Variants in ZNF385D observed in about 807,000 individuals in gnomAD.
ZNF385D encodes zinc finger protein 385D, also known as zinc finger protein 659.
Under a neutral mutation model 35.8 loss-of-function variants are expected in ZNF385D, and 15 were observed. The ratio of observed to expected loss-of-function variants is 0.42; its 90% CI spans 0.28 to 0.64. The LOEUF is 0.64. ZNF385D is among the 30% of genes least tolerant of loss of function. The pLI is 0.23. For synonymous variants in ZNF385D, 212 were observed against 186.8 expected, an observed-to-expected ratio of 1.13 and a Z score of -1.10; for missense variants, 474 against 494.6, an observed-to-expected ratio of 0.96 and a Z score of 0.39.
intron 3 of ZNF385D, among the ~76,000 whole-genome samples, chr3:22,027,258 G>C (rs990622668): frequency 6.6e-6 from 1 of 152,146 alleles, no homozygotes; most frequent in Admixed American, 6.5e-5. Flanking sequence ...CCTCATTTGG[G>C]TGTGCTACTC....
At chr3:21,731,978 T>C (rs1380152428) in intron 1 of ZNF385D, among the ~76,000 whole-genome samples, 2 of 150,554 alleles carry the variant, frequency 1.3e-5, no homozygotes, top group African/African-American at 4.9e-5. Context: ...TGCTTCCAAG[T>C]TTTGGCACTT....
chr3:22,199,807 G>A (rs1696661797), intron 2 of ZNF385D, among the ~76,000 whole-genome samples: 1 of 152,012 alleles, frequency 6.6e-6, no homozygotes, highest in African/African-American at 2.4e-5. Flanking sequence ...CAAAATATAT[G>A]CATATATGTG....
At chr3:21,733,537 T>A (rs1178079163) in intron 1 of ZNF385D, among the ~76,000 whole-genome samples, 1 of 152,200 alleles carries the variant, frequency 6.6e-6, no homozygotes, top group Non-Finnish European at 1.5e-5. Context: ...TTTTCTAACT[T>A]TGTCTCTTTT....
intron 2 of ZNF385D, among the ~76,000 whole-genome samples, chr3:21,628,440 T>C (rs763517514): frequency 4.6e-5 from 7 of 152,118 alleles, no homozygotes; most frequent in Non-Finnish European, 1.0e-4. Context: ...AAGTCATTTT[T>C]ATTCATTTCC....
intron 3 of ZNF385D, among the ~76,000 whole-genome samples, chr3:21,758,967 A>G (rs904620288): frequency 2.6e-5 from 3 of 117,036 alleles, no homozygotes; most frequent in African/African-American, 6.7e-5. Flanking sequence ...AACCATCATC[A>G]TCACTGGCAA....
At chr3:21,907,044 C>T (rs1490149133) in intron 3 of ZNF385D, among the ~76,000 whole-genome samples, 1 of 152,126 alleles carries the variant, frequency 6.6e-6, no homozygotes, top group Non-Finnish European at 1.5e-5. Context: ...CTTTCTAGTG[C>T]TGGTAATTCA....
intron 3 of ZNF385D, among the ~76,000 whole-genome samples, chr3:21,764,985 T>G (rs532878197): frequency 5.3e-5 from 8 of 152,276 alleles, no homozygotes; most frequent in Admixed American, 5.2e-4. Context: ...TTGAGACGTA[T>G]CCTTAGACTG....
In ZNF385D at chr3:21,721,168, T is replaced by C. The variant is rs867529763; in HGVS notation, c.22+29727A>G. Among the ~76,000 whole-genome samples the C allele has an allele frequency of 5.3e-5, 8 of 152,152 alleles. No individual in the cohort carries two copies. In the South Asian group the frequency reaches 1.2e-3, roughly 24 times the overall value. ...AATGACTTTGCCCCCTCCATTGCTA[T>C]ACTGGTTGTCTATGAGTCCCCTAAA... is the stretch of plus-strand genomic sequence containing the variant. On this transcript the variant is annotated intron_variant, in intron 1 of 7. Coordinates refer to ENST00000281523, the MANE Select transcript of ZNF385D (RefSeq NM_024697.3).
intron 2 of ZNF385D, among the ~76,000 whole-genome samples, chr3:22,251,222 T>C (rs1030567204): frequency 6.6e-6 from 1 of 152,132 alleles, no homozygotes; most frequent in Admixed American, 6.6e-5. Context: ...AAGAATCCGT[T>C]TACATGAGTG....
intron 2 of ZNF385D, among the ~76,000 whole-genome samples, chr3:22,299,864 A>C (rs565748922): frequency 6.6e-6 from 1 of 151,964 alleles, no homozygotes; most frequent in Non-Finnish European, 1.5e-5. Flanking sequence ...AGAAAAAAAT[A>C]TTGTTGCTAA....
At chr3:22,059,135 G>A (rs905903574) in intron 3 of ZNF385D, among the ~76,000 whole-genome samples, 3 of 152,282 alleles carry the variant, frequency 2.0e-5, no homozygotes, top group African/African-American at 7.2e-5. Flanking sequence ...TAACCTATCA[G>A]GAGTTATTTC....
At chr3:22,010,513 C>G (rs1174279228) in intron 3 of ZNF385D, among the ~76,000 whole-genome samples, 1 of 152,172 alleles carries the variant, frequency 6.6e-6, no homozygotes, top group Admixed American at 6.5e-5. Flanking sequence ...TCTATCTAGG[C>G]TCAGACTTGC....
At chr3:22,325,367 G>A (rs563082153) in intron 2 of ZNF385D, among the ~76,000 whole-genome samples, 49 of 152,252 alleles carry the variant, frequency 3.2e-4, no homozygotes, top group African/African-American at 1.1e-3. Context: ...CCCTGTAGTT[G>A]ATCATTAGTT....
At chr3:21,827,178 C>T (rs1273946093) in intron 3 of ZNF385D, among the ~76,000 whole-genome samples, 1 of 152,144 alleles carries the variant, frequency 6.6e-6, no homozygotes, top group Non-Finnish European at 1.5e-5. Flanking sequence ...TATTTCTTAG[C>T]TTCTTTTACC....
At chr3:21,871,764 C>T (rs1485634097) in intron 3 of ZNF385D, among the ~76,000 whole-genome samples, 2 of 151,932 alleles carry the variant, frequency 1.3e-5, no homozygotes, top group East Asian at 1.9e-4. Flanking sequence ...CCAGCACTTT[C>T]GGAGGCTGAG....
Position 22,044,401 on chromosome 3 carries a change from G to A in ZNF385D, c.325+124416C>T, listed in dbSNP as rs575819756. 7.9e-5 allele frequency among the ~76,000 whole-genome samples: 12 copies of A among 152,104 alleles called. No homozygotes were observed. In the South Asian group the frequency reaches 2.1e-3, roughly 26 times the overall value. ...ACTGGCCTAGATCTGAGCACCCTTT[G>A]GCCCACTGTGTTTGGGGGATAGAGT... On this transcript the variant is annotated intron_variant, in intron 3 of 5. Transcript: ENST00000494108.
chr3:22,287,433 T>G (rs976705372), intron 2 of ZNF385D, among the ~76,000 whole-genome samples: 1 of 152,006 alleles, frequency 6.6e-6, no homozygotes, highest in Non-Finnish European at 1.5e-5. Context: ...TTGACATATC[T>G]TTGGTTCCTT....
At chr3:21,811,965 A>G (rs2072939836) in intron 3 of ZNF385D, among the ~76,000 whole-genome samples, 1 of 152,224 alleles carries the variant, frequency 6.6e-6, no homozygotes, top group Admixed American at 6.5e-5. Context: ...TCAAAATTCT[A>G]AAGAAAGTAT....
chr3:22,336,808 A>G (rs1695177977), intron 2 of ZNF385D, among the ~76,000 whole-genome samples: 1 of 149,548 alleles, frequency 6.7e-6, no homozygotes, highest in Admixed American at 6.7e-5. Flanking sequence ...ATGTAGGACC[A>G]GAGTGTTTAA....
Sources: allele counts gnomAD v4.1 joint callset (sites outside exome capture counted in the v4.1 genomes callset), GRCh38; gene constraint gnomAD v4.1.1; transcripts MANE v1.5; gene names NCBI Gene and HGNC (gene_info 2026-07-23, HGNC 2026-07-21).